Variants in TMX1 observed in about 807,000 individuals in gnomAD.
TMX1 encodes thioredoxin-related transmembrane protein 1.
Under a neutral mutation model 36.6 loss-of-function variants are expected in TMX1, and 25 were observed. The observed-to-expected ratio is 0.68, with a 90% CI of 0.50 to 0.95. The LOEUF is 0.95. TMX1 is among the 40% of genes least tolerant of loss of function. TMX1 has a pLI of 0.00. For missense variants in TMX1, 347 were observed against 339.6 expected, an observed-to-expected ratio of 1.02 and a Z score of -0.17; for synonymous variants, 133 against 118.0, an observed-to-expected ratio of 1.13 and a Z score of -0.82.
chr14:51,242,561 A>G (rs2065766874), intron 1 of TMX1, among the ~76,000 whole-genome samples: 2 of 152,120 alleles, frequency 1.3e-5, no homozygotes. Flanking sequence ...TTCTAAAGTA[A>G]GTTTTTAGAA....
At chr14:51,254,229 G>T in intron 7 of TMX1, 112 bp from the exon 8 acceptor site, 1 of 810,994 alleles carries the variant, frequency 1.2e-6, no homozygotes, top group Non-Finnish European at 1.8e-6. Flanking sequence ...ATCCAAACAT[G>T]ATAAATTTAT....
At chr14:51,252,986 T>C (rs993617005) in intron 7 of TMX1, among the ~76,000 whole-genome samples, 1 of 152,218 alleles carries the variant, frequency 6.6e-6, no homozygotes, top group Non-Finnish European at 1.5e-5. Flanking sequence ...AGTTTGGCCC[T>C]TTCCAGTCAC....
chr14:51,244,520 G>C (rs780100879), intron 2 of TMX1, among the ~76,000 whole-genome samples: 1 of 152,058 alleles, frequency 6.6e-6, no homozygotes, highest in African/African-American at 2.4e-5. Flanking sequence ...TAAAGCCCTC[G>C]TGGTTGTGAG....
chr14:51,241,562 AC>A (rs1277185861), intron 1 of TMX1, among the ~76,000 whole-genome samples: 1 of 152,204 alleles, frequency 6.6e-6, no homozygotes. Flanking sequence ...TTGTTAGAAC[AC>A]CTTCTTCTTT....
intron 1 of TMX1, among the ~76,000 whole-genome samples, chr14:51,241,522 T>A (rs1397373652): frequency 6.6e-6 from 1 of 152,214 alleles, no homozygotes. Flanking sequence ...TGGCTTTCTT[T>A]GGGTCTTCAG....
At chr14:51,250,003 A>G (rs1430186862) in intron 7 of TMX1, among the ~76,000 whole-genome samples, 2 of 152,234 alleles carry the variant, frequency 1.3e-5, no homozygotes, top group African/African-American at 4.8e-5. Context: ...GGGAATTTTA[A>G]CATTGCATAT....
Position 51,254,364 on chromosome 14 carries a change from C to G in TMX1, c.688C>G (p.Gln230Glu). Residue 230 changes from glutamine to glutamate, a missense_variant, in exon 8 of 8, where the codon CAA (glutamine) becomes GAA (glutamate). Physicochemically the swap from Gln to Glu is conservative, Grantham distance 29 (BLOSUM62 2). Transcript: ENST00000457354. ...AGAAAAATTATTATCAGAATCTGCA[C>G]AACCTTTGAAAAAAGTGGAGGAGGA... ...PSKKLLSESAQPLKKVEEEQE... is the reference protein window; with the variant it reads ...PSKKLLSESAEPLKKVEEEQE... 6.2e-7 allele frequency: 1 copy of G among 1,605,244 alleles called. No homozygotes were observed. Among genetic ancestry groups the G allele is most frequent in the South Asian group, 1.1e-5 (1 of 89,314 alleles).
Position 51,247,202 on chromosome 14 carries a change from T to G in TMX1, c.425T>G (p.Phe142Cys). 6.2e-7 allele frequency: 1 copy of G among 1,613,556 alleles called. No homozygotes were observed. The change falls in exon 4 of 8, where the codon TTT (phenylalanine) becomes TGT (cysteine). Residue 142 changes from phenylalanine (F) to cysteine (C), a missense_variant. Coordinates refer to ENST00000457354, the MANE Select transcript of TMX1 (RefSeq NM_030755.5). ...AGTATTGAGCCCGTTTCATCATGGT[T>G]TGGTCCAGGTTCTGTTCTGTAAGTA... is the stretch of plus-strand genomic sequence containing the variant. ...WKSIEPVSSW[F>C]GPGSVLMSSM...
At chr14:51,252,551 A>G (rs1249939709) in intron 7 of TMX1, among the ~76,000 whole-genome samples, 2 of 152,176 alleles carry the variant, frequency 1.3e-5, no homozygotes, top group African/African-American at 4.8e-5. Flanking sequence ...TAATGCTCAC[A>G]TTATCCTAGT....
At chr14:51,253,749 T>A (rs2065825498) in intron 7 of TMX1, among the ~76,000 whole-genome samples, 1 of 152,150 alleles carries the variant, frequency 6.6e-6, no homozygotes, top group African/African-American at 2.4e-5. Flanking sequence ...AAATCATACA[T>A]ATGGGGGATG....
intron 3 of TMX1, among the ~76,000 whole-genome samples, chr14:51,246,801 T>G (rs1195102661): frequency 1.3e-5 from 2 of 152,212 alleles, no homozygotes; most frequent in Admixed American, 6.5e-5. Context: ...ACATAAGGCT[T>G]AAAAGTACTT....
intron 7 of TMX1, among the ~76,000 whole-genome samples, chr14:51,252,486 GA>G (rs1389155141): frequency 6.6e-6 from 1 of 151,934 alleles, no homozygotes; most frequent in Admixed American, 6.6e-5. Flanking sequence ...TTTGTGAAAT[GA>G]AAGTAATTAA....
chr14:51,240,621 C>G (rs1234129750), intron 1 of TMX1, among the ~76,000 whole-genome samples, 177 bp downstream of exon 1: 2 of 152,200 alleles, frequency 1.3e-5, no homozygotes, highest in Non-Finnish European at 2.9e-5. Flanking sequence ...GGTCCCACCC[C>G]CTCGTCTCTT....
intron 7 of TMX1, among the ~76,000 whole-genome samples, chr14:51,252,465 G>C (rs925706896): frequency 2.1e-4 from 32 of 151,726 alleles, no homozygotes; most frequent in African/African-American, 7.5e-4. Flanking sequence ...CCCTCTGAGC[G>C]TGTAACCTCC....
intron 3 of TMX1, among the ~76,000 whole-genome samples, chr14:51,246,842 T>C (rs1481837298): frequency 6.6e-6 from 1 of 152,230 alleles, no homozygotes; most frequent in African/African-American, 2.4e-5. Flanking sequence ...CTGTATTTCA[T>C]AGTTTCATTA....
rs780892306 is a variant in TMX1 at position 51,240,299 on chromosome 14, C to A, written c.7C>A (p.Pro3Thr). 1.2e-6 allele frequency: 2 copies of A among 1,610,802 alleles called. No individual in the cohort carries two copies. The highest frequency in any genetic ancestry group is 4.5e-5 in the East Asian group (2 of 44,868). MA[P>T]SGSLAVPLAV... Reference sequence around the variant, plus strand: ...GAGGTGGGCAAGCGGCGAAATGGCGCCCTCCGGGAGTCTTGCAGTTCCCCT... The same window carrying A: ...GAGGTGGGCAAGCGGCGAAATGGCGACCTCCGGGAGTCTTGCAGTTCCCCT... The change falls in exon 1 of 8, where the codon CCC becomes ACC. Residue 3 changes from proline (P) to threonine (T), a missense_variant. Transcript: ENST00000457354.
chr14:51,254,480 A>G lies in TMX1; in HGVS notation c.804A>G (p.Gln268=), dbSNP rs758570420. ...NKDFPQNAIR[Q]RSLGPSLATD... ...ACTTTCCACAGAATGCCATAAGACAACGCTCTCTGGGTCCATCATTGGCCA... is the reference window on the plus strand; with the variant it reads ...ACTTTCCACAGAATGCCATAAGACAGCGCTCTCTGGGTCCATCATTGGCCA... Residue 268 remains glutamine (Q), a synonymous_variant, in exon 8 of 8, where the codon CAA becomes CAG. Coordinates refer to ENST00000457354, the MANE Select transcript of TMX1 (RefSeq NM_030755.5). The G allele has an allele frequency of 5.9e-5, 95 of 1,609,168 alleles. No individual in the cohort carries two copies. The Admixed American group carries it at 1.5e-3, about 25-fold the overall frequency.
rs1340488198 is a variant in TMX1, at chr14:51,255,515, C to G, written c.*996C>G. 1.3e-5 allele frequency: 2 copies of G among 151,592 alleles called. No homozygotes were observed. The highest frequency in any genetic ancestry group is 4.8e-5 in the African/African-American group (2 of 41,264). The allele number at this position is 151,592 out of a possible 1,614,324, so 9.4% of individuals were successfully genotyped here. A position where few individuals can be genotyped will look rare whatever the true frequency, so the allele number is the denominator to read the frequency against. Reference sequence around the variant, plus strand: ...GAAGCTTAATATAAAAGTTTGCATTCTACTCAGGAAAAAGCATCTTCTTGT... The same window carrying G: ...GAAGCTTAATATAAAAGTTTGCATTGTACTCAGGAAAAAGCATCTTCTTGT... On this transcript the variant is annotated 3_prime_UTR_variant, in exon 8 of 8. Coordinates refer to ENST00000457354, the MANE Select transcript of TMX1 (RefSeq NM_030755.5).
rs1322846752 is a variant in TMX1, at chr14:51,256,309, AAATC to A, written c.*1793_*1796del. The A allele has an allele frequency of 6.6e-6, 1 of 152,100 alleles. No individual in the cohort carries two copies. The highest frequency in any genetic ancestry group is 1.5e-5 in the Non-Finnish European group (1 of 67,994). 9.4% of individuals were successfully genotyped at this position (152,100 alleles called of 1,614,324 possible). ...GACCAGAAAGATTCTATAGAGTAAA[AAATC>A]AAAGCAAAACAAAAACCACAAAAAG... On this transcript the variant is annotated 3_prime_UTR_variant, in exon 8 of 8. Transcript: ENST00000457354.
Sources: gnomAD v4.1 joint callset for allele counts (sites outside exome capture counted in the v4.1 genomes callset) on GRCh38, gnomAD v4.1.1 for gene constraint, MANE v1.5 for transcripts, NCBI Gene and HGNC (gene_info 2026-07-23, HGNC 2026-07-21) for gene names.